Variants in CAMK1D observed in about 807,000 individuals in gnomAD.
The protein encoded by CAMK1D is calcium/calmodulin-dependent protein kinase type 1D.
A neutral mutation model predicts 47.7 loss-of-function variants in CAMK1D; 9 were observed. The observed-to-expected ratio is 0.19, with a 90% CI of 0.11 to 0.33. The LOEUF is 0.33. CAMK1D is among the 10% of genes least tolerant of loss of function. CAMK1D has a pLI of 1.00. For synonymous variants in CAMK1D, 184 were observed against 184.9 expected, an observed-to-expected ratio of 0.99 and a Z score of 0.04; for missense variants, 291 against 488.7, an observed-to-expected ratio of 0.60 and a Z score of 3.81.
chr10:12,557,541 G>T (rs1374566527), intron 2 of CAMK1D, among the ~76,000 whole-genome samples: 1 of 109,758 alleles, frequency 9.1e-6, no homozygotes, highest in Non-Finnish European at 1.7e-5. Context: ...GACAGAGCGA[G>T]ACTCCATCTC....
chr10:12,765,142 T>A (rs999112815), intron 4 of CAMK1D, among the ~76,000 whole-genome samples: 1 of 152,194 alleles, frequency 6.6e-6, no homozygotes, highest in Non-Finnish European at 1.5e-5. Flanking sequence ...GTTGATTTTC[T>A]TCTAATCTCC....
intron 2 of CAMK1D, among the ~76,000 whole-genome samples, chr10:12,594,306 A>C (rs1413548652): frequency 6.6e-6 from 1 of 152,206 alleles, no homozygotes; most frequent in African/African-American, 2.4e-5. Flanking sequence ...TAGCAACCCT[A>C]CCCCAAGCAT....
At chr10:12,639,190 A>G (rs1009055999) in intron 2 of CAMK1D, among the ~76,000 whole-genome samples, 7 of 152,238 alleles carry the variant, frequency 4.6e-5, no homozygotes, top group Admixed American at 6.5e-5. Flanking sequence ...GAAGCTTTTA[A>G]AAAGACCTAA....
chr10:12,796,818 G>A (rs1838215197), intron 6 of CAMK1D, among the ~76,000 whole-genome samples: 1 of 152,152 alleles, frequency 6.6e-6, no homozygotes, highest in East Asian at 1.9e-4. Context: ...TTAGAAATTT[G>A]GAAACTTAGT....
chr10:12,499,578 A>G (rs536971901), intron 1 of CAMK1D, among the ~76,000 whole-genome samples: 26 of 152,326 alleles, frequency 1.7e-4, no homozygotes, highest in African/African-American at 5.8e-4. Flanking sequence ...TGGCACACAC[A>G]GGATTTTATG....
intron 3 of CAMK1D, among the ~76,000 whole-genome samples, chr10:12,688,674 C>CTTTTATT (rs140048545): frequency 2.0e-5 from 3 of 152,010 alleles, no homozygotes; most frequent in African/African-American, 7.3e-5. Context: ...GAGTTACATT[C>CTTTTATT]TTTTATTTTT....
At chr10:12,789,208 T>A (rs1357610579) in intron 5 of CAMK1D, among the ~76,000 whole-genome samples, 1 of 152,194 alleles carries the variant, frequency 6.6e-6, no homozygotes, top group Non-Finnish European at 1.5e-5. Flanking sequence ...ATTATGAGAT[T>A]TTTTTGGCGA....
At position 12,825,707 on chromosome 10, in the gene CAMK1D, ACCAGAAT is replaced by A. The variant is rs776568929; in HGVS notation, c.1039+20_1039+26del. The A allele has an allele frequency of 1.2e-6, 2 of 1,614,030 alleles. No homozygotes were observed. Among genetic ancestry groups the A allele is most frequent in the Non-Finnish European group, 1.7e-6 (2 of 1,180,028 alleles). On this transcript the variant is annotated intron_variant, in intron 10 of 10. Transcript: ENST00000619168. The stretch of plus-strand genomic sequence containing the variant: ...AAAAAGACTGTGCGTATGTAGCAAA[ACCAGAAT>A]CCCTCAGCTGACACTGAAGACGAGC...
intron 6 of CAMK1D, among the ~76,000 whole-genome samples, chr10:12,793,895 T>C (rs1473457995): frequency 2.0e-5 from 3 of 152,206 alleles, no homozygotes; most frequent in African/African-American, 4.8e-5. Context: ...CATGGCTAGA[T>C]AGTATCAAGA....
intron 9 of CAMK1D, 151 bp downstream of exon 9, chr10:12,824,703 G>T: frequency 1.6e-6 from 1 of 643,150 alleles, no homozygotes; most frequent in African/African-American, 1.8e-5. Context: ...GAATATTATG[G>T]TGTAAGAGGG....
intron 1 of CAMK1D, among the ~76,000 whole-genome samples, chr10:12,354,265 T>C (rs554198453): frequency 7.9e-5 from 12 of 152,260 alleles, no homozygotes; most frequent in African/African-American, 2.4e-4. Flanking sequence ...GTGGAGGATT[T>C]GAGACTGGGT....
intron 1 of CAMK1D, among the ~76,000 whole-genome samples, chr10:12,483,711 G>A (rs919544106): frequency 3.3e-5 from 5 of 150,250 alleles, no homozygotes; most frequent in Admixed American, 6.6e-5. Context: ...TTTTGAGACA[G>A]AGTCTCACTC....
chr10:12,679,629 C>T (rs1464769002), intron 3 of CAMK1D, among the ~76,000 whole-genome samples: 1 of 152,222 alleles, frequency 6.6e-6, no homozygotes, highest in Non-Finnish European at 1.5e-5. Flanking sequence ...TTTCCTCATG[C>T]CCTGCAAGTG....
chr10:12,789,465 T>G (rs1837882493), intron 5 of CAMK1D, among the ~76,000 whole-genome samples: 1 of 152,236 alleles, frequency 6.6e-6, no homozygotes, highest in South Asian at 2.1e-4. Context: ...TGGGACAAGT[T>G]ACTTAACTTC....
intron 1 of CAMK1D, among the ~76,000 whole-genome samples, chr10:12,436,813 A>C (rs779061257): frequency 6.6e-6 from 1 of 152,206 alleles, no homozygotes; most frequent in Non-Finnish European, 1.5e-5. Flanking sequence ...TACACGTATT[A>C]AGTGCCCATG....
intron 1 of CAMK1D, among the ~76,000 whole-genome samples, chr10:12,389,611 G>A (rs959728431): frequency 2.6e-5 from 4 of 152,124 alleles, no homozygotes; most frequent in African/African-American, 4.8e-5. Flanking sequence ...TGAGCCTCTC[G>A]GAGGCTGGAG....
chr10:12,814,491 G>A (rs1040234056), intron 7 of CAMK1D, among the ~76,000 whole-genome samples, 184 bp downstream of exon 7: 4 of 152,108 alleles, frequency 2.6e-5, no homozygotes, highest in South Asian at 2.1e-4. Context: ...TTTATTCCTC[G>A]CAGCTCTGGA....
chr10:12,464,917 C>A (rs1833546986), intron 1 of CAMK1D, among the ~76,000 whole-genome samples: 1 of 152,112 alleles, frequency 6.6e-6, no homozygotes, highest in South Asian at 2.1e-4. Context: ...CAAGTCAATT[C>A]TCTAAAGCAG....
intron 6 of CAMK1D, among the ~76,000 whole-genome samples, chr10:12,792,982 A>G (rs1227557319): frequency 4.1e-5 from 6 of 147,908 alleles, no homozygotes; most frequent in Non-Finnish European, 7.4e-5. Context: ...ACACACACAC[A>G]CGCACGCACA....
Sources: allele counts gnomAD v4.1 joint callset (sites outside exome capture counted in the v4.1 genomes callset), GRCh38; gene constraint gnomAD v4.1.1; transcripts MANE v1.5; gene names NCBI Gene and HGNC (gene_info 2026-07-23, HGNC 2026-07-21).